The following PTPRT variants were observed in gnomAD, a reference collection of about 807,000 sequenced individuals.
PTPRT encodes the protein protein tyrosine phosphatase receptor type T, also known as receptor-type tyrosine-protein phosphatase T.
Under a neutral mutation model 176.8 loss-of-function variants are expected in PTPRT, and 56 were observed. The ratio of observed to expected loss-of-function variants is 0.32; its 90% CI spans 0.26 to 0.40. The LOEUF (loss-of-function observed/expected upper bound fraction) is 0.40, where lower values mean the gene tolerates loss of function less well. Ranked by LOEUF, PTPRT falls within the 10% of genes least tolerant of loss-of-function variation. The pLI, the probability that PTPRT is intolerant of heterozygous loss-of-function variation, is 1.00. For synonymous variants in PTPRT, 783 were observed against 739.0 expected (o/e 1.06, Z -0.96); for missense variants, 1,540 against 1,908.2 (o/e 0.81, Z 3.60).
At chr20:42,581,865 G>T (rs964399510) in intron 7 of PTPRT, among the ~76,000 whole-genome samples, 2 of 152,208 alleles carry the variant, frequency 1.3e-5, no homozygotes, top group African/African-American at 4.8e-5. Flanking sequence ...TCTTATCTGG[G>T]CTCCTGCCTA....
intron 2 of PTPRT, among the ~76,000 whole-genome samples, chr20:42,804,788 CTTAT>C (rs1199740295): frequency 6.6e-6 from 1 of 152,216 alleles, no homozygotes. Context: ...ACCCCTCCTC[CTTAT>C]CTCTGCCTTC....
intron 12 of PTPRT, among the ~76,000 whole-genome samples, chr20:42,284,066 T>C (rs910360119): frequency 2.5e-4 from 38 of 152,102 alleles, no homozygotes; most frequent in African/African-American, 8.7e-4. Context: ...CAATTCCTCA[T>C]ATTATAAGAG....
At chr20:42,092,855 A>G (rs1984774100) in intron 27 of PTPRT, among the ~76,000 whole-genome samples, 1 of 152,144 alleles carries the variant, frequency 6.6e-6, no homozygotes, top group Non-Finnish European at 1.5e-5. Context: ...CACAGCCCCC[A>G]TTATCCTTGC....
At chr20:42,714,810 A>G (rs1383848800) in intron 6 of PTPRT, among the ~76,000 whole-genome samples, 1 of 152,098 alleles carries the variant, frequency 6.6e-6, no homozygotes, top group Non-Finnish European at 1.5e-5. Context: ...TGGGCTGCTG[A>G]CTCATCTGGA....
intron 17 of PTPRT, among the ~76,000 whole-genome samples, chr20:42,159,815 C>A (rs747668951): frequency 1.3e-5 from 2 of 152,204 alleles, no homozygotes; most frequent in Admixed American, 6.5e-5. Flanking sequence ...GTTTTAGGAC[C>A]AGATAGGTCC....
intron 1 of PTPRT, among the ~76,000 whole-genome samples, chr20:42,915,968 A>G (rs1254717396): frequency 1.3e-5 from 2 of 151,236 alleles, no homozygotes; most frequent in Non-Finnish European, 3.0e-5. Context: ...TGTTGTTTTT[A>G]TTATTATTAT....
At position 43,083,076 on chromosome 20, in the gene PTPRT, G is replaced by A. The variant is rs550995177; in HGVS notation, c.88+106570C>T. On this transcript the variant is annotated intron_variant, in intron 1 of 30. Transcript: ENST00000373187. The stretch of plus-strand genomic sequence containing the variant: ...GATCTCCCATCTTCTCAGCTGCAGC[G>A]CCCGAATAAAGCCCTCTTCCCTGGC... Among the ~76,000 whole-genome samples the A allele has an allele frequency of 1.7e-4, 26 of 151,830 alleles. No individual in the cohort carries two copies. The East Asian group carries it at 3.1e-3, about 18-fold the overall frequency.
At chr20:43,012,724 G>A (rs766777359) in intron 1 of PTPRT, among the ~76,000 whole-genome samples, 1 of 152,070 alleles carries the variant, frequency 6.6e-6, no homozygotes, top group Non-Finnish European at 1.5e-5. Context: ...CTCTACCCTC[G>A]CCCTGGGGAG....
At chr20:42,416,349 G>A (rs1397147158) in intron 9 of PTPRT, among the ~76,000 whole-genome samples, 1 of 152,156 alleles carries the variant, frequency 6.6e-6, no homozygotes, top group Admixed American at 6.5e-5. Flanking sequence ...AAACACCTTG[G>A]TTTTAGACCT....
At chr20:42,200,162 C>A (rs2146679975) in intron 15 of PTPRT, among the ~76,000 whole-genome samples, 1 of 152,118 alleles carries the variant, frequency 6.6e-6, no homozygotes, top group Non-Finnish European at 1.5e-5. Flanking sequence ...CTGACACCAG[C>A]CACTGGAGGT....
intron 27 of PTPRT, among the ~76,000 whole-genome samples, chr20:42,092,205 GA>G (rs1984694195): frequency 6.6e-6 from 1 of 152,196 alleles, no homozygotes; most frequent in African/African-American, 2.4e-5. Flanking sequence ...TGAGGCTTCA[GA>G]AAGAGGATGT....
intron 10 of PTPRT, among the ~76,000 whole-genome samples, chr20:42,351,637 C>T (rs868531981): frequency 2.0e-5 from 3 of 152,286 alleles, no homozygotes; most frequent in South Asian, 2.1e-4. Flanking sequence ...GGGGGCCCTA[C>T]GGGTGATGGC....
intron 7 of PTPRT, among the ~76,000 whole-genome samples, chr20:42,492,569 T>C (rs913837300): frequency 6.6e-6 from 1 of 152,228 alleles, no homozygotes; most frequent in Non-Finnish European, 1.5e-5. Flanking sequence ...TGCTTCAGCC[T>C]GTTGTGCAAA....
intron 7 of PTPRT, among the ~76,000 whole-genome samples, chr20:42,590,584 G>A (rs961496891): frequency 6.6e-6 from 1 of 152,050 alleles, no homozygotes; most frequent in Non-Finnish European, 1.5e-5. Flanking sequence ...AGATACTTTG[G>A]GAACAAACCA....
intron 1 of PTPRT, among the ~76,000 whole-genome samples, chr20:42,964,799 T>C (rs373710039): frequency 2.0e-5 from 3 of 152,188 alleles, no homozygotes; most frequent in Admixed American, 6.5e-5. Context: ...TATCTGACCA[T>C]GAGGCTAAAG....
intron 1 of PTPRT, among the ~76,000 whole-genome samples, chr20:43,007,978 C>T (rs1984935307): frequency 1.3e-5 from 2 of 152,198 alleles, no homozygotes; most frequent in Non-Finnish European, 2.9e-5. Context: ...AGCTCAGTCC[C>T]TGGCACATGA....
intron 1 of PTPRT, among the ~76,000 whole-genome samples, chr20:42,998,484 G>A (rs868350309): frequency 7.9e-5 from 12 of 152,042 alleles, no homozygotes; most frequent in South Asian, 2.1e-4. Flanking sequence ...AGAAGAAGCC[G>A]GCACTGTCAC....
At chr20:42,634,095 AT>A (rs1332921067) in intron 7 of PTPRT, among the ~76,000 whole-genome samples, 9 of 46,962 alleles carry the variant, frequency 1.9e-4, no homozygotes, top group African/African-American at 9.7e-4. Flanking sequence ...TAATATAATA[AT>A]ATATATATTA....
At chr20:42,743,886 G>A (rs764304894) in intron 6 of PTPRT, among the ~76,000 whole-genome samples, 1 of 152,216 alleles carries the variant, frequency 6.6e-6, no homozygotes, top group African/African-American at 2.4e-5. Flanking sequence ...GTGTTGCGAC[G>A]ATTTCTTCAT....
Sources: allele counts gnomAD v4.1 joint callset (sites outside exome capture counted in the v4.1 genomes callset), GRCh38; gene constraint gnomAD v4.1.1; transcripts MANE v1.5; gene names NCBI Gene and HGNC (gene_info 2026-07-23, HGNC 2026-07-21).